Variants in GGH observed in about 807,000 individuals in gnomAD.
The protein encoded by GGH is gamma-Glu-X carboxypeptidase.
Under a neutral mutation model 39.2 loss-of-function variants are expected in GGH, and 18 were observed. The ratio of observed to expected loss-of-function variants is 0.46; its 90% CI spans 0.32 to 0.68. The LOEUF (loss-of-function observed/expected upper bound fraction) is 0.68. GGH is among the 30% of genes least tolerant of loss of function. The pLI, the probability that GGH is intolerant of heterozygous loss-of-function variation, is 0.04. For missense variants in GGH, 367 were observed against 384.1 expected, an observed-to-expected ratio of 0.96 and a Z score of 0.37; for synonymous variants, 147 against 138.8, an observed-to-expected ratio of 1.06 and a Z score of -0.42.
intron 2 of GGH, among the ~76,000 whole-genome samples, chr8:63,034,043 T>C (rs1468748679): frequency 1.4e-5 from 2 of 146,632 alleles, no homozygotes; most frequent in Non-Finnish European, 3.0e-5. Flanking sequence ...AAAATATATA[T>C]ATATTTTTAT....
chr8:63,034,593 C>T (rs922518670), intron 2 of GGH, among the ~76,000 whole-genome samples: 3 of 152,114 alleles, frequency 2.0e-5, no homozygotes, highest in African/African-American at 7.2e-5. Context: ...TGGTTGTTAG[C>T]TCCTTCCAGA....
chr8:63,024,905 T>G (rs1804656603), intron 5 of GGH: 1 of 152,194 alleles, frequency 6.6e-6, no homozygotes, highest in Non-Finnish European at 1.5e-5. Flanking sequence ...ACCTAATACA[T>G]GTACTTCCCA....
chr8:63,025,915 T>C (rs1804675173), intron 5 of GGH, among the ~76,000 whole-genome samples: 1 of 152,120 alleles, frequency 6.6e-6, no homozygotes, highest in African/African-American at 2.4e-5. Context: ...AGTCCTGATA[T>C]CACTAGAAGC....
chr8:63,018,630 C>A (rs1045575751), intron 7 of GGH, among the ~76,000 whole-genome samples: 22 of 152,194 alleles, frequency 1.4e-4, no homozygotes, highest in African/African-American at 4.3e-4. Context: ...CTGCCTCCCC[C>A]ACTTCCGTGT....
chr8:63,018,821 C>G (rs899913652), intron 7 of GGH, among the ~76,000 whole-genome samples: 1 of 152,074 alleles, frequency 6.6e-6, no homozygotes, highest in Non-Finnish European at 1.5e-5. Context: ...ATGCTTCATG[C>G]GTTGGAAAAG....
At chr8:63,015,680 G>A (rs2130949543) in intron 8 of GGH, among the ~76,000 whole-genome samples, 1 of 151,608 alleles carries the variant, frequency 6.6e-6, no homozygotes, top group South Asian at 2.1e-4. Flanking sequence ...ACCAAGGAAG[G>A]GAGGGAGGCA....
chr8:63,027,351 A>G (rs1804706250), intron 3 of GGH, 86 bp from the exon 4 acceptor site: 4 of 681,176 alleles, frequency 5.9e-6, no homozygotes, highest in Non-Finnish European at 1.0e-5. Context: ...TTTATTTTAA[A>G]ACAATTTTTC....
At chr8:63,017,326 C>A (rs1124409) in intron 8 of GGH, 167 bp downstream of exon 8, 1 of 513,146 alleles carries the variant, frequency 1.9e-6, no homozygotes, top group Non-Finnish European at 3.4e-6. Context: ...TACCTTACAT[C>A]TTGATTTTAG....
rs182161806 is a variant in GGH at position 63,019,265 on chromosome 8, G to C, written c.698-1635C>G. Among the ~76,000 whole-genome samples the C allele has an allele frequency of 2.0e-5, 3 of 152,172 alleles. No homozygotes were observed. The East Asian group carries it at 5.8e-4, about 29-fold the overall frequency. On this transcript the variant is annotated intron_variant, in intron 7 of 8. Transcript: ENST00000260118. ...GTTCGTGTCTTAACTGAAGAAGATC[G>C]CAAATAAACAGCAGAACCAACAGCC...
At chr8:63,018,242 T>C (rs942639651) in intron 7 of GGH, among the ~76,000 whole-genome samples, 4 of 144,280 alleles carry the variant, frequency 2.8e-5, no homozygotes, top group Non-Finnish European at 6.4e-5. Flanking sequence ...CATATTACTC[T>C]CTCTATGTTT....
intron 7 of GGH, among the ~76,000 whole-genome samples, chr8:63,018,148 T>C (rs1408823008): frequency 6.6e-6 from 1 of 152,154 alleles, no homozygotes; most frequent in Non-Finnish European, 1.5e-5. Flanking sequence ...AAATATTTTT[T>C]AGAAGTTTAA....
At chr8:63,038,606 A>G (rs546095627) in intron 1 of GGH, 54 bp downstream of exon 1, 1 of 568,390 alleles carries the variant, frequency 1.8e-6, no homozygotes, top group African/African-American at 2.0e-5. Context: ...GGAGGCGCCC[A>G]GCGCCAACAC....
At position 63,035,700 on chromosome 8, in the gene GGH, A is replaced by G; in HGVS notation, c.180T>C (p.Tyr60=). 1 of 1,613,718 alleles carries G rather than the reference A, an allele frequency of 6.2e-7. No homozygotes were observed. The highest frequency in any genetic ancestry group is 8.5e-7 in the Non-Finnish European group (1 of 1,179,932). Residue 60 remains tyrosine, a synonymous_variant, in exon 2 of 9, where the codon TAT becomes TAC. Coordinates refer to ENST00000260118, the MANE Select transcript of GGH (RefSeq NM_003878.3). ...CACCTGCAGACTCCAAGTACTTTAC[A>G]TAGGACGCAGCAATATAGTATCTTC... ...NYGRYYIAAS[Y]VKYLESAGAR...
chr8:63,035,876 G>T, intron 1 of GGH, 106 bp from the exon 2 acceptor site: 1 of 1,027,118 alleles, frequency 9.7e-7, no homozygotes, highest in Non-Finnish European at 1.4e-6. Flanking sequence ...TCAATCCACA[G>T]AATTAAATAG....
In GGH at chr8:63,015,798, G is replaced by A. The variant is rs555051750; in HGVS notation, c.836-345C>T. Among the ~76,000 whole-genome samples the A allele has an allele frequency of 8.6e-5, 13 of 151,570 alleles. No individual in the cohort carries two copies. In the South Asian group the frequency reaches 2.7e-3, roughly 32 times the overall value. On this transcript the variant is annotated intron_variant, in intron 8 of 8. Transcript: ENST00000260118. Reference sequence around the variant, plus strand: ...CCCCCTGCAGCATATCCCATGCTATGCTCACTCCGCAACTCATTCAAATAC... The same window carrying A: ...CCCCCTGCAGCATATCCCATGCTATACTCACTCCGCAACTCATTCAAATAC...
At chr8:63,035,626 T>TA (rs34822356) in intron 2 of GGH, 30 bp downstream of exon 2, 48,718 of 1,449,434 alleles carry the variant, frequency 0.034, 18 homozygotes, top group Non-Finnish European at 0.035. Context: ...TTATACAGAG[T>TA]AAAAAAAAAA....
intron 7 of GGH, among the ~76,000 whole-genome samples, chr8:63,022,192 C>A (rs1315696226): frequency 6.6e-6 from 1 of 151,996 alleles, no homozygotes; most frequent in Non-Finnish European, 1.5e-5. Flanking sequence ...AAACTCCTTC[C>A]CTCAAACAAG....
At chr8:63,023,589 G>C (rs1183078730) in intron 7 of GGH, 1 of 175,262 alleles carries the variant, frequency 5.7e-6, no homozygotes. Flanking sequence ...CATTTATTTT[G>C]TTGTTGGCTG....
In GGH at chr8:63,038,641, C is replaced by A; in HGVS notation, c.109+19G>T. On this transcript the variant is annotated intron_variant, in intron 1 of 8. Transcript: ENST00000260118. The stretch of plus-strand genomic sequence containing the variant: ...CCCAGCTCCTCCCCGTCTGCTGCGG[C>A]CCCGCACAGCCTCCTTACCGATGAT... The A allele has an allele frequency of 7.3e-7, 1 of 1,364,146 alleles. No individual in the cohort carries two copies. Among genetic ancestry groups the A allele is most frequent in the Non-Finnish European group, 1.0e-6 (1 of 1,001,184 alleles). 84.5% of individuals were successfully genotyped at this position (1,364,146 alleles called of 1,614,324 possible). A position where few individuals can be genotyped will look rare whatever the true frequency, so the allele number is the denominator to read the frequency against.
Sources: gnomAD v4.1 joint callset for allele counts (sites outside exome capture counted in the v4.1 genomes callset) on GRCh38, gnomAD v4.1.1 for gene constraint, MANE v1.5 for transcripts, NCBI Gene and HGNC (gene_info 2026-07-23, HGNC 2026-07-21) for gene names.